The following SGCG variants were observed in gnomAD, a reference collection of about 807,000 sequenced individuals.
SGCG encodes sarcoglycan gamma.
SGCG carries 26 observed loss-of-function variants against 29.3 expected under a neutral mutation model. The observed-to-expected ratio is 0.89, with a 90% CI of 0.65 to 1.23. The LOEUF is 1.23. Among genes scored for constraint, SGCG ranks in the 50% most tolerant of loss-of-function variants. SGCG has a pLI of 0.00. For missense variants in SGCG, 353 were observed against 356.0 expected (o/e 0.99, Z 0.07); for synonymous variants, 145 against 129.7 (o/e 1.12, Z -0.80).
intron 3 of SGCG, among the ~76,000 whole-genome samples, chr13:23,248,405 C>T (rs778449334): frequency 3.2e-4 from 49 of 152,170 alleles, no homozygotes; most frequent in East Asian, 1.9e-4. Flanking sequence ...TAGCCTAAAT[C>T]AAAAAGCACA....
At chr13:23,200,163 C>G (rs1333482593) in intron 1 of SGCG, among the ~76,000 whole-genome samples, 1 of 152,186 alleles carries the variant, frequency 6.6e-6, no homozygotes, top group African/African-American at 2.4e-5. Context: ...TGGTGCATGC[C>G]TGTAATCCCA....
intron 1 of SGCG, among the ~76,000 whole-genome samples, chr13:23,198,322 T>C (rs939796855): frequency 1.3e-5 from 2 of 152,226 alleles, no homozygotes; most frequent in Admixed American, 6.5e-5. Context: ...ATGAAGACAC[T>C]ATGTTCGATT....
chr13:23,286,947 G>A (rs896627489), intron 5 of SGCG, among the ~76,000 whole-genome samples: 7 of 152,150 alleles, frequency 4.6e-5, no homozygotes, highest in Non-Finnish European at 8.8e-5. Flanking sequence ...GAGCAAAATT[G>A]CAGAAAGTAA....
chr13:23,163,492 G>C, the SGCG span, among the ~76,000 whole-genome samples: 47 of 152,112 alleles, frequency 3.1e-4, no homozygotes, highest in African/African-American at 1.1e-3. Context: ...TTGAAGAGGG[G>C]ACCCAGTTCT....
chr13:23,219,215 C>T (rs1000505091), intron 2 of SGCG, among the ~76,000 whole-genome samples: 1 of 151,626 alleles, frequency 6.6e-6, no homozygotes, highest in Non-Finnish European at 1.5e-5. Context: ...GCCTGGCTAA[C>T]TTTTTGTATT....
intron 6 of SGCG, among the ~76,000 whole-genome samples, chr13:23,312,238 A>G (rs1882630472): frequency 6.6e-6 from 1 of 152,216 alleles, no homozygotes; most frequent in African/African-American, 2.4e-5. Context: ...TTTTAAATAC[A>G]AAGCTGTGGA....
At chr13:23,260,941 T>C (rs1161964431) in intron 4 of SGCG, among the ~76,000 whole-genome samples, 1 of 152,160 alleles carries the variant, frequency 6.6e-6, no homozygotes, top group African/African-American at 2.4e-5. Context: ...GTGGATAACC[T>C]GACCTTTCTC....
chr13:23,276,431 C>CTTTCTTT (rs1555242841), intron 4 of SGCG, among the ~76,000 whole-genome samples: 2 of 102,384 alleles, frequency 2.0e-5, no homozygotes, highest in South Asian at 7.8e-4. Flanking sequence ...TTTTAGTTTT[C>CTTTCTTT]TTTTTTTTTT....
At chr13:23,196,796 G>A (rs17078448) in intron 1 of SGCG, among the ~76,000 whole-genome samples, 6,732 of 152,174 alleles carry the variant, frequency 0.044, 509 homozygotes, top group African/African-American at 0.16. Flanking sequence ...CTTTCAGAAT[G>A]ATGTAAGTTA....
At chr13:23,181,992 A>G (rs1198010602) in intron 1 of SGCG, among the ~76,000 whole-genome samples, 1 of 152,136 alleles carries the variant, frequency 6.6e-6, no homozygotes, top group Admixed American at 6.5e-5. Flanking sequence ...GGTTCGTTTT[A>G]TAGGTTCTAG....
intron 6 of SGCG, among the ~76,000 whole-genome samples, chr13:23,300,539 G>A (rs1025718918): frequency 6.6e-6 from 1 of 152,098 alleles, no homozygotes; most frequent in Non-Finnish European, 1.5e-5. Context: ...GATGTCACAA[G>A]AAAGATTGCT....
At chr13:23,308,655 C>T (rs1036374502) in intron 6 of SGCG, among the ~76,000 whole-genome samples, 1 of 152,132 alleles carries the variant, frequency 6.6e-6, no homozygotes, top group Non-Finnish European at 1.5e-5. Context: ...GCCTCCACCT[C>T]CTGGGTTTAA....
chr13:23,241,892 T>A (rs2137554965), intron 3 of SGCG, among the ~76,000 whole-genome samples: 1 of 152,188 alleles, frequency 6.6e-6, no homozygotes, highest in South Asian at 2.1e-4. Flanking sequence ...CATCTCTTCA[T>A]GATAAACCAA....
rs79500874 is a variant in SGCG, at chr13:23,250,629, G to A, written c.298-1G>A. The A allele has an allele frequency of 1.3e-6, 2 of 1,577,232 alleles. No individual in the cohort carries two copies. The highest frequency in any genetic ancestry group is 1.1e-5 in the South Asian group (1 of 90,168). ...TGCAAATTTTATAAATCTCTTTCTA[G>A]GACTCATCTCTGCTTCTACAATCAA... On this transcript the variant is annotated splice_acceptor_variant, in intron 3 of 7. Coordinates refer to ENST00000218867, the MANE Select transcript of SGCG (RefSeq NM_000231.3). LOFTEE classifies it high-confidence loss of function.
At chr13:23,320,186 G>A (rs2137527005) in intron 6 of SGCG, among the ~76,000 whole-genome samples, 1 of 152,320 alleles carries the variant, frequency 6.6e-6, no homozygotes, top group South Asian at 2.1e-4. Context: ...TGGTTGAGAG[G>A]CCAAGCCAGG....
chr13:23,202,083 C>T (rs1051740396), intron 1 of SGCG, among the ~76,000 whole-genome samples: 4 of 152,182 alleles, frequency 2.6e-5, no homozygotes. Flanking sequence ...TGAGAATTAG[C>T]CTGGTCTGTT....
chr13:23,297,258 G>A (rs1453482908), intron 6 of SGCG, among the ~76,000 whole-genome samples: 1 of 146,502 alleles, frequency 6.8e-6, no homozygotes, highest in Non-Finnish European at 1.5e-5. Context: ...ATGGAATTTT[G>A]CTCTTGTTTG....
Position 23,192,729 on chromosome 13 carries a change from A to G in SGCG, c.1-10966A>G, listed in dbSNP as rs74414813. On this transcript the variant is annotated intron_variant, in intron 1 of 7. Transcript: ENST00000218867. The stretch of plus-strand genomic sequence containing the variant: ...CTTTATTAAAGAACAGTTATGAGAG[A>G]TGTATGAAGTATGAGTAAAGATAGA... 1.1e-3 allele frequency among the ~76,000 whole-genome samples: 160 copies of G among 152,322 alleles called. 1 individual carries two copies. Among genetic ancestry groups the G allele is most frequent in the Non-Finnish European group, 1.1e-3 (75 of 68,030 alleles).
At chr13:23,166,872 G>A in the SGCG span, among the ~76,000 whole-genome samples, 1 of 152,158 alleles carries the variant, frequency 6.6e-6, no homozygotes, top group East Asian at 1.9e-4. Flanking sequence ...CATAGAGAAT[G>A]GGGTATCCAT....
Sources: allele counts gnomAD v4.1 joint callset (sites outside exome capture counted in the v4.1 genomes callset), GRCh38; gene constraint gnomAD v4.1.1; transcripts MANE v1.5; gene names NCBI Gene and HGNC (gene_info 2026-07-23, HGNC 2026-07-21).